The following TENM2 variants were observed in gnomAD, a reference collection of about 807,000 sequenced individuals.
The protein encoded by TENM2 is teneurin transmembrane protein 2, also known as teneurin-2.
A neutral mutation model predicts 245.2 loss-of-function variants in TENM2; 52 were observed. The observed-to-expected ratio is 0.21, with a 90% CI of 0.17 to 0.27. The LOEUF (loss-of-function observed/expected upper bound fraction) is 0.27. Among genes scored for constraint, TENM2 ranks in the 10% least tolerant of loss-of-function variants. TENM2 has a pLI of 1.00. For missense variants in TENM2, 3,046 were observed against 3,666.8 expected (o/e 0.83, Z 4.37); for synonymous variants, 1,363 against 1,438.9 (o/e 0.95, Z 1.19).
the TENM2 span, among the ~76,000 whole-genome samples, chr5:167,006,828 G>A: frequency 2.0e-5 from 3 of 151,886 alleles, no homozygotes; most frequent in Non-Finnish European, 4.4e-5. Context: ...CACCACGCCT[G>A]GCTAATTTTG....
intron 2 of TENM2, among the ~76,000 whole-genome samples, chr5:167,684,034 T>C (rs1054664836): frequency 1.3e-5 from 2 of 152,200 alleles, no homozygotes; most frequent in African/African-American, 2.4e-5. Flanking sequence ...GGTCTCCTCC[T>C]GCAGCTGGCG....
chr5:167,583,326 G>A (rs147960377), intron 2 of TENM2, among the ~76,000 whole-genome samples: 1 of 152,194 alleles, frequency 6.6e-6, no homozygotes, highest in African/African-American at 2.4e-5. Flanking sequence ...TTACACTAGC[G>A]TGGATTGCAT....
chr5:167,011,467 A>G, the TENM2 span, among the ~76,000 whole-genome samples: 1 of 152,210 alleles, frequency 6.6e-6, no homozygotes, highest in Non-Finnish European at 1.5e-5. Flanking sequence ...ATGGATAGGC[A>G]CAAACTTTGA....
intron 3 of TENM2, among the ~76,000 whole-genome samples, chr5:167,881,231 G>T (rs1773850885): frequency 1.3e-5 from 2 of 152,134 alleles, no homozygotes. Context: ...TCCCTGAATA[G>T]CTCACAGCAG....
intron 4 of TENM2, among the ~76,000 whole-genome samples, chr5:167,981,667 C>A (rs1782844110): frequency 6.6e-6 from 1 of 152,150 alleles, no homozygotes; most frequent in Non-Finnish European, 1.5e-5. Context: ...ATAGTTAGAA[C>A]CCTTCGTACT....
At chr5:167,989,752 A>G (rs1422290880) in intron 4 of TENM2, among the ~76,000 whole-genome samples, 1 of 152,174 alleles carries the variant, frequency 6.6e-6, no homozygotes, top group African/African-American at 2.4e-5. Context: ...TGGATGGGGA[A>G]AGGCAAGGGA....
chr5:167,039,632 T>C, the TENM2 span, among the ~76,000 whole-genome samples: 2 of 151,506 alleles, frequency 1.3e-5, no homozygotes, highest in South Asian at 4.2e-4. Context: ...AATGTTGCAG[T>C]GACATCAGAC....
the TENM2 span, among the ~76,000 whole-genome samples, chr5:167,108,149 A>G: frequency 6.6e-6 from 1 of 152,130 alleles, no homozygotes; most frequent in South Asian, 2.1e-4. Context: ...TTATTGAGAC[A>G]GAGTCTCGCT....
chr5:168,157,545 T>C (rs1379741556), intron 12 of TENM2, among the ~76,000 whole-genome samples: 1 of 152,048 alleles, frequency 6.6e-6, no homozygotes, highest in East Asian at 1.9e-4. Flanking sequence ...CCAAGATATT[T>C]AGGAAGAAGG....
the TENM2 span, among the ~76,000 whole-genome samples, chr5:167,224,947 T>C: frequency 1.3e-5 from 2 of 152,044 alleles, no homozygotes; most frequent in African/African-American, 4.8e-5. Context: ...CTAAGTATTT[T>C]ATTATTTTTC....
At chr5:168,253,510 C>T (rs1434324129) in intron 27 of TENM2, among the ~76,000 whole-genome samples, 1 of 150,628 alleles carries the variant, frequency 6.6e-6, no homozygotes, top group African/African-American at 2.4e-5. Context: ...ACTGCAAGCT[C>T]CGCCTCACGG....
intron 2 of TENM2, among the ~76,000 whole-genome samples, chr5:167,652,895 T>A (rs374834275): frequency 6.6e-5 from 10 of 152,324 alleles, no homozygotes; most frequent in Admixed American, 2.0e-4. Flanking sequence ...CTCTGATCAT[T>A]TGATGTCTGG....
chr5:167,964,217 G>C (rs898619140), intron 4 of TENM2, among the ~76,000 whole-genome samples: 2 of 152,206 alleles, frequency 1.3e-5, no homozygotes, highest in African/African-American at 4.8e-5. Flanking sequence ...AGTTTCTAAA[G>C]TCAACTTCTC....
At chr5:167,568,900 A>G (rs995434538) in intron 2 of TENM2, among the ~76,000 whole-genome samples, 2 of 152,010 alleles carry the variant, frequency 1.3e-5, no homozygotes, top group Admixed American at 1.3e-4. Context: ...AGGTGATTAA[A>G]CGCTGTGGGT....
At chr5:167,715,643 G>A (rs1360068713) in intron 2 of TENM2, among the ~76,000 whole-genome samples, 3 of 152,216 alleles carry the variant, frequency 2.0e-5, no homozygotes, top group Non-Finnish European at 4.4e-5. Flanking sequence ...TGCTCAATCG[G>A]TTTCATATAC....
intron 3 of TENM2, chr5:167,934,873 C>T (rs1324884992): frequency 4.1e-6 from 4 of 985,362 alleles, no homozygotes; most frequent in Admixed American, 6.1e-5. Flanking sequence ...GCTTAGTACG[C>T]GTTCGGCAGG....
chr5:167,634,307 G>A (rs1407372535), intron 2 of TENM2, among the ~76,000 whole-genome samples: 2 of 152,296 alleles, frequency 1.3e-5, no homozygotes, highest in Middle Eastern at 3.4e-3. Context: ...GAATTTGCAA[G>A]TAAGTTCAAT....
exon 18 of TENM2, chr5:168,203,730 C>G: frequency 5.0e-6 from 8 of 1,612,894 alleles, no homozygotes; most frequent in Non-Finnish European, 6.8e-6. Context: ...CAGTCTAATT[C>G]TCTGGGAGAA....
intron 2 of TENM2, among the ~76,000 whole-genome samples, chr5:167,445,332 T>TAGGGGGAGAGAGAGAGAGAGAGAGAG (rs71591182): frequency 1.3e-5 from 1 of 77,066 alleles, no homozygotes; most frequent in Admixed American, 1.4e-4. Flanking sequence ...TATATATATA[T>TAGGGGGAGAGAGAGAGAGAGAGAGAG]ATATAGAGAG....
Sources: gnomAD v4.1 joint callset for allele counts (sites outside exome capture counted in the v4.1 genomes callset) on GRCh38, gnomAD v4.1.1 for gene constraint, MANE v1.5 for transcripts, NCBI Gene and HGNC (gene_info 2026-07-23, HGNC 2026-07-21) for gene names.